FREM3: variants seen among roughly 807,000 people sequenced by gnomAD.
FREM3 encodes FRAS1-related extracellular matrix protein 3.
In FREM3, 105 loss-of-function variants were observed where a neutral mutation model predicts 129.1. That is an observed-to-expected ratio of 0.81 (90% CI 0.69 to 0.96). The LOEUF (loss-of-function observed/expected upper bound fraction) is 0.96. FREM3 is among the 40% of genes least tolerant of loss of function. The pLI is 0.00. For synonymous variants in FREM3, 1,014 were observed against 1,044.9 expected, an observed-to-expected ratio of 0.97 and a Z score of 0.57; for missense variants, 2,593 against 2,666.3, an observed-to-expected ratio of 0.97 and a Z score of 0.61.
chr4:143,613,470 A>C (rs2149839663), intron 5 of FREM3, among the ~76,000 whole-genome samples: 1 of 152,330 alleles, frequency 6.6e-6, no homozygotes, highest in Non-Finnish European at 1.5e-5. Context: ...GCTATCACTG[A>C]ATGCCTAAGA....
In FREM3 at chr4:143,611,385, A is replaced by G. The variant is rs1738752699; in HGVS notation, c.5922T>C (p.Tyr1974=). ...AAACGCTGAAGGATTCCTCCTCTTC[A>G]TAAAGGGAGTCATCAATGATCAGGA... ...CQVLIIDDSL[Y]EEEESFSVSL... The change falls in exon 6 of 8, where the codon TAT becomes TAC. Residue 1974 remains tyrosine (Y), a synonymous_variant. Coordinates refer to ENST00000329798, the MANE Select transcript of FREM3 (RefSeq NM_001168235.2). 2 of 1,537,068 alleles carry G rather than the reference A, an allele frequency of 1.3e-6. No individual in the cohort carries two copies. The highest frequency in any genetic ancestry group is 2.4e-5 in the East Asian group (1 of 40,908).
chr4:143,679,907 G>A (rs1013265691), intron 2 of FREM3, among the ~76,000 whole-genome samples: 3 of 152,032 alleles, frequency 2.0e-5, no homozygotes, highest in Admixed American at 6.6e-5. Flanking sequence ...TGATTCTCTC[G>A]TTTGGATTTT....
intron 1 of FREM3, among the ~76,000 whole-genome samples, chr4:143,694,418 T>C (rs550903030): frequency 6.6e-5 from 10 of 151,918 alleles, no homozygotes; most frequent in Non-Finnish European, 1.5e-4. Flanking sequence ...AAAATCATGA[T>C]TTTTTTTCCT....
chr4:143,667,692 A>T (rs1200818935), intron 2 of FREM3, among the ~76,000 whole-genome samples: 9 of 152,186 alleles, frequency 5.9e-5, no homozygotes, highest in Non-Finnish European at 1.3e-4. Flanking sequence ...TCCAGCTGTA[A>T]TCCTGCCAGC....
chr4:143,608,576 C>T (rs890506584), intron 6 of FREM3, among the ~76,000 whole-genome samples: 13 of 152,144 alleles, frequency 8.5e-5, no homozygotes, highest in African/African-American at 3.1e-4. Context: ...AATTGAAGGT[C>T]AGACAACTTC....
chr4:143,651,117 A>G (rs1231306717), intron 2 of FREM3, among the ~76,000 whole-genome samples: 1 of 152,234 alleles, frequency 6.6e-6, no homozygotes, highest in African/African-American at 2.4e-5. Context: ...CAAGTAATAT[A>G]TTTCCAGAGT....
intron 2 of FREM3, among the ~76,000 whole-genome samples, chr4:143,644,409 A>G (rs976255518): frequency 1.3e-5 from 2 of 152,202 alleles, no homozygotes; most frequent in Admixed American, 1.3e-4. Context: ...GTATCTAATA[A>G]TAAGCATCCA....
chr4:143,578,008 A>C (rs1280165801), intron 7 of FREM3, among the ~76,000 whole-genome samples, 156 bp from the exon 8 acceptor site: 1 of 152,236 alleles, frequency 6.6e-6, no homozygotes, highest in Non-Finnish European at 1.5e-5. Flanking sequence ...AGAAGGGGGA[A>C]CTTCCATATT....
chr4:143,619,309 G>A (rs1462959973), intron 5 of FREM3, among the ~76,000 whole-genome samples: 1 of 152,158 alleles, frequency 6.6e-6, no homozygotes, highest in East Asian at 1.9e-4. Context: ...AGAAGACCCT[G>A]CTTTCTATTT....
intron 2 of FREM3, among the ~76,000 whole-genome samples, chr4:143,630,253 T>C (rs540068624): frequency 6.6e-6 from 1 of 152,284 alleles, no homozygotes; most frequent in South Asian, 2.1e-4. Context: ...ATGTGGGTTC[T>C]TATCATCATG....
At chr4:143,638,816 A>T (rs1253543050) in intron 2 of FREM3, among the ~76,000 whole-genome samples, 2 of 152,270 alleles carry the variant, frequency 1.3e-5, no homozygotes, top group African/African-American at 2.4e-5. Context: ...GTAGTAGACT[A>T]AACAGGGCTC....
chr4:143,593,782 G>T (rs1223830664), intron 6 of FREM3, among the ~76,000 whole-genome samples: 4 of 152,228 alleles, frequency 2.6e-5, no homozygotes, highest in Non-Finnish European at 4.4e-5. Context: ...GGACATTTAA[G>T]TCTGCAGAGG....
rs180736640 is a variant in FREM3 at position 143,696,659 on chromosome 4, A to G, written c.4017T>C (p.Asp1339=). 2.3e-4 allele frequency: 349 copies of G among 1,537,898 alleles called. 1 individual carries two copies. The African/African-American group carries it at 3.9e-3, about 17-fold the overall frequency. ...AATGGAGGACAAAACTGAGGCTTTT[A>G]TCATCTGAGTCAAGATCTGTGGCCT... ...ILKATDLDSD[D]KSLSFVLHSG... is the part of the protein sequence containing the mutation. Residue 1339 remains aspartate (D), a synonymous_variant, in exon 1 of 8, where the codon GAT becomes GAC. Coordinates refer to ENST00000329798, the MANE Select transcript of FREM3 (RefSeq NM_001168235.2).
chr4:143,634,090 A>G (rs1051312495), intron 2 of FREM3, among the ~76,000 whole-genome samples: 10 of 152,156 alleles, frequency 6.6e-5, no homozygotes, highest in African/African-American at 2.4e-4. Context: ...ATATAGCAAT[A>G]GCTGATTTAG....
At position 143,627,631 on chromosome 4, in the gene FREM3, C is replaced by A; in HGVS notation, c.5405G>T (p.Gly1802Val). ...TTACTTACTGATAAATGATGTTTCT[C>A]CAAGGTATCCTCTGCGTGTAAGGGT... ...EVTLTRRGYL[G>V]ETSFISIGTK... The change falls in exon 3 of 8, where the codon GGA becomes GTA. Residue 1802 changes from glycine to valine, a missense_variant. This residue lies in a region of FREM3 where 2,276 missense variants were observed against 2,267.2 expected (regional missense o/e 1.00). Coordinates refer to ENST00000329798, the MANE Select transcript of FREM3 (RefSeq NM_001168235.2). The A allele has an allele frequency of 1.3e-6, 2 of 1,536,222 alleles. No individual in the cohort carries two copies. The highest frequency in any genetic ancestry group is 1.7e-6 in the Non-Finnish European group (2 of 1,146,158).
chr4:143,628,029 G>A (rs1174109918), intron 2 of FREM3, among the ~76,000 whole-genome samples: 1 of 152,034 alleles, frequency 6.6e-6, no homozygotes, highest in Non-Finnish European at 1.5e-5. Flanking sequence ...GTTCCAAAGA[G>A]CCAGAGCTTG....
intron 6 of FREM3, among the ~76,000 whole-genome samples, chr4:143,600,566 G>A (rs772999600): frequency 6.6e-6 from 1 of 152,174 alleles, no homozygotes; most frequent in Non-Finnish European, 1.5e-5. Context: ...GAACTTTGCA[G>A]TTGCCATTTA....
intron 4 of FREM3, among the ~76,000 whole-genome samples, chr4:143,623,707 G>A (rs1003483349): frequency 2.0e-5 from 3 of 152,030 alleles, no homozygotes; most frequent in African/African-American, 7.2e-5. Context: ...CAAATGAGTT[G>A]GCTGATATCC....
At chr4:143,679,874 T>C (rs1231927718) in intron 2 of FREM3, among the ~76,000 whole-genome samples, 2 of 152,190 alleles carry the variant, frequency 1.3e-5, no homozygotes, top group African/African-American at 2.4e-5. Context: ...TGCTGATTCC[T>C]TCCTGCCTGA....
Sources: allele counts gnomAD v4.1 joint callset (sites outside exome capture counted in the v4.1 genomes callset), GRCh38; gene constraint gnomAD v4.1.1; regional missense constraint gnomAD v4.1.1; transcripts MANE v1.5; gene names NCBI Gene and HGNC (gene_info 2026-07-23, HGNC 2026-07-21).